HOXA9: variants seen among roughly 807,000 people sequenced by gnomAD.
HOXA9 encodes the protein homeobox protein Hox-A9.
Under a neutral mutation model 19.0 loss-of-function variants are expected in HOXA9, and 18 were observed. The observed-to-expected ratio is 0.95, with a 90% CI of 0.65 to 1.40. The LOEUF is 1.40. Ranked by LOEUF, HOXA9 falls within the 40% of genes most tolerant of loss-of-function variation. The pLI, the probability that HOXA9 is intolerant of heterozygous loss-of-function variation, is 0.00. For missense variants in HOXA9, 443 were observed against 372.2 expected (o/e 1.19, Z -1.57); for synonymous variants, 198 against 161.1 (o/e 1.23, Z -1.73).
In HOXA9 at chr7:27,163,523, G is replaced by T; in HGVS notation, c.*80C>A. On this transcript the variant is annotated 3_prime_UTR_variant, in exon 2 of 2. Transcript: ENST00000343483. ...GGAGGCTAGGGTGGGGGTGAGAGAAGGGAGAAGGCGGAAGGGGGACGGACA... is the reference window on the plus strand; with the variant it reads ...GGAGGCTAGGGTGGGGGTGAGAGAATGGAGAAGGCGGAAGGGGGACGGACA... 1 of 1,150,280 alleles carries T rather than the reference G, an allele frequency of 8.7e-7. No individual in the cohort carries two copies. The highest frequency in any genetic ancestry group is 1.3e-6 in the Non-Finnish European group (1 of 789,666). The allele number at this position is 1,150,280 out of a possible 1,614,324, so 71.3% of individuals were successfully genotyped here.
At position 27,163,718 on chromosome 7, in the gene HOXA9, C is replaced by T. The variant is rs777202871; in HGVS notation, c.704G>A (p.Arg235His). The change falls in exon 2 of 2, where the codon CGC becomes CAC. Residue 235 changes from arginine (R) to histidine (H), a missense_variant. By Grantham distance (29) the Arg-to-His change is conservative. Transcript: ENST00000343483. The stretch of plus-strand genomic sequence containing the variant: ...GAGCAGTCGAGCCACCTCGTACCTG[C>T]GGTCCCTGGTGAGGTACATGTTGAA... Reference protein sequence around the residue: ...FLFNMYLTRDRRYEVARLLNL... With the variant: ...FLFNMYLTRDHRYEVARLLNL... 2 of 1,613,918 alleles carry T rather than the reference C, an allele frequency of 1.2e-6. No individual in the cohort carries two copies. The highest frequency in any genetic ancestry group is 1.3e-5 in the African/African-American group (1 of 75,008).
Position 27,164,941 on chromosome 7 carries a change from C to T in HOXA9, c.517G>A (p.Gly173Ser). ...TCAGCATTGTTTTCAGAGAAGGCGCCTTCGCTGGGTTGTTTTTCTCTATCA... is the reference window on the plus strand; with the variant it reads ...TCAGCATTGTTTTCAGAGAAGGCGCTTTCGCTGGGTTGTTTTTCTCTATCA... ...PVDREKQPSE[G>S]AFSENNAENE... Residue 173 changes from glycine (G) to serine (S), a missense_variant, in exon 1 of 2, where the codon GGC (glycine) becomes AGC (serine). Transcript: ENST00000343483. 1 of 1,614,238 alleles carries T rather than the reference C, an allele frequency of 6.2e-7. No individual in the cohort carries two copies. Among genetic ancestry groups the T allele is most frequent in the Non-Finnish European group, 8.5e-7 (1 of 1,180,032 alleles).
At chr7:27,164,195 G>A (rs1479317221) in intron 1 of HOXA9, among the ~76,000 whole-genome samples, 1 of 152,222 alleles carries the variant, frequency 6.6e-6, no homozygotes, top group Non-Finnish European at 1.5e-5. Flanking sequence ...GTGTTCTGTA[G>A]CAAGATTAGG....
At chr7:27,164,452 G>A (rs1783273169) in intron 1 of HOXA9, among the ~76,000 whole-genome samples, 1 of 152,266 alleles carries the variant, frequency 6.6e-6, no homozygotes, top group Non-Finnish European at 1.5e-5. Context: ...GAAGTGGAAG[G>A]AATCGGCCGT....
Position 27,162,646 on chromosome 7 carries a change from T to A in HOXA9, c.*957A>T. ...TTTATTATCAATAAAATTAACTCCG[T>A]TACAATCAGCATTCATTTCCTCCAA... On this transcript the variant is annotated 3_prime_UTR_variant, in exon 2 of 2. Transcript: ENST00000343483. 1 of 209,570 alleles carries A rather than the reference T, an allele frequency of 4.8e-6. No individual in the cohort carries two copies. The allele number at this position is 209,570 out of a possible 1,614,324, so 13.0% of individuals were successfully genotyped here.
rs192531486 is a variant in HOXA9 at position 27,164,496 on chromosome 7, T to C, written c.580+382A>G. Among the ~76,000 whole-genome samples the C allele has an allele frequency of 1.3e-3, 191 of 152,386 alleles. 1 individual carries two copies. The East Asian group carries it at 0.014, about 11-fold the overall frequency. ...GCGTCCCAGCTCCGGCTGCCCTGGC[T>C]GCCGCCGCTCACGGACAATCTAGTT... On this transcript the variant is annotated intron_variant, in intron 1 of 1. Coordinates refer to ENST00000343483, the MANE Select transcript of HOXA9 (RefSeq NM_152739.4).
In HOXA9 at chr7:27,165,093, G is replaced by T. The variant is rs559119879; in HGVS notation, c.365C>A (p.Ala122Glu). The T allele has an allele frequency of 1.4e-4, 233 of 1,613,032 alleles. 1 individual carries two copies. In the South Asian group the frequency reaches 2.5e-3, roughly 17 times the overall value. Residue 122 changes from alanine to glutamate, a missense_variant, in exon 1 of 2, where the codon GCG (alanine) becomes GAG (glutamate). Physicochemically the swap from Ala to Glu is moderately radical, Grantham distance 107 (BLOSUM62 -1). Transcript: ENST00000343483. ...ATAAGGCCGGCTGGAGGGCAAGCCC[G>T]CGAAGGAGAGCGCACCGGGCGTGGG... The part of the protein sequence containing the change: ...LEPTPGALSF[A>E]GLPSSRPYGI...
rs376685820 is a variant in HOXA9 at position 27,165,203 on chromosome 7, G to A, written c.255C>T (p.His85=). The A allele has an allele frequency of 6.3e-7, 1 of 1,588,406 alleles. No homozygotes were observed. Among genetic ancestry groups the A allele is most frequent in the South Asian group, 1.1e-5 (1 of 88,206 alleles). ...GGTGCACGTAGGGGTGGTGGTGATG[G>A]TGGTGGTACACCGCAGCGGGTACAG... ...ANAVPAAVYH[H]HHHHPYVHPQ... Residue 85 remains histidine (H), a synonymous_variant, in exon 1 of 2, where the codon CAC becomes CAT. Coordinates refer to ENST00000343483, the MANE Select transcript of HOXA9 (RefSeq NM_152739.4).
In HOXA9 at chr7:27,164,673, C is replaced by A. The variant is rs371492511; in HGVS notation, c.580+205G>T. Reference sequence around the variant, plus strand: ...TCTCGCTGCAGCAGCCGCCTCCTCTCCCGTAGCCCTGCGGGCCGCTCTTCA... The same window carrying A: ...TCTCGCTGCAGCAGCCGCCTCCTCTACCGTAGCCCTGCGGGCCGCTCTTCA... On this transcript the variant is annotated intron_variant, in intron 1 of 1. Coordinates refer to ENST00000343483, the MANE Select transcript of HOXA9 (RefSeq NM_152739.4). Among the ~76,000 whole-genome samples, 90 of 152,354 alleles carry A rather than the reference C, an allele frequency of 5.9e-4. 3 individuals carry two copies. In the South Asian group the frequency reaches 0.018, roughly 31 times the overall value.
chr7:27,165,504 T>G lies in HOXA9; in HGVS notation c.-47A>C, dbSNP rs114730856. On this transcript the variant is annotated 5_prime_UTR_variant, in exon 1 of 2. Coordinates refer to ENST00000343483, the MANE Select transcript of HOXA9 (RefSeq NM_152739.4). The stretch of plus-strand genomic sequence containing the variant: ...CGCCCGGCCCGACCCACGGAAATTA[T>G]GAAACTGCAGATTTCATGTAACAAC... The G allele has an allele frequency of 2.1e-3, 3,118 of 1,508,464 alleles. 53 individuals are homozygous for G. In the African/African-American group the frequency reaches 0.04, roughly 19 times the overall value. 93.4% of individuals were successfully genotyped at this position (1,508,464 alleles called of 1,614,324 possible).
rs1447227437 is a variant in HOXA9, at chr7:27,162,784, T to C, written c.*819A>G. The C allele has an allele frequency of 6.8e-5, 14 of 205,294 alleles. No individual in the cohort carries two copies. The East Asian group carries it at 9.8e-4, about 14-fold the overall frequency. 12.7% of individuals were successfully genotyped at this position (205,294 alleles called of 1,614,324 possible). A position where few individuals can be genotyped will look rare whatever the true frequency, so the allele number is the denominator to read the frequency against. ...ATATTCAAGCTTGTCTGATTATGCA[T>C]ATTTTCTTTAATCATATAGATTATA... On this transcript the variant is annotated 3_prime_UTR_variant, in exon 2 of 2. Transcript: ENST00000343483.
intron 1 of HOXA9, among the ~76,000 whole-genome samples, chr7:27,164,494 G>C (rs1464246984): frequency 1.3e-5 from 2 of 152,264 alleles, no homozygotes; most frequent in African/African-American, 2.4e-5. Flanking sequence ...GGCTGCCCTG[G>C]CTGCCGCCGC....
chr7:27,163,510 G>C lies in HOXA9; in HGVS notation c.*93C>G, dbSNP rs542147750. 7.1e-6 allele frequency: 7 copies of C among 988,620 alleles called. No homozygotes were observed. In the African/African-American group the frequency reaches 1.1e-4, roughly 16 times the overall value. The allele number at this position is 988,620 out of a possible 1,614,324, so 61.2% of individuals were successfully genotyped here. On this transcript the variant is annotated 3_prime_UTR_variant, in exon 2 of 2. Coordinates refer to ENST00000343483, the MANE Select transcript of HOXA9 (RefSeq NM_152739.4). ...GTGCGGGGATGGTGGAGGCTAGGGT[G>C]GGGGTGAGAGAAGGGAGAAGGCGGA...
At chr7:27,164,717 G>A (rs1291908554) in intron 1 of HOXA9, among the ~76,000 whole-genome samples, 161 bp downstream of exon 1, 1 of 152,222 alleles carries the variant, frequency 6.6e-6, no homozygotes, top group African/African-American at 2.4e-5. Context: ...CAGACTTGGG[G>A]CCCTATCTGA....
Position 27,165,206 on chromosome 7 carries a change from G to A in HOXA9, c.252C>T (p.His84=). ...GANAVPAAVY[H]HHHHHPYVHP... ...GCACGTAGGGGTGGTGGTGATGGTG[G>A]TGGTACACCGCAGCGGGTACAGCGT... Residue 84 remains histidine, a synonymous_variant, in exon 1 of 2, where the codon CAC becomes CAT. Transcript: ENST00000343483. 2 of 1,587,002 alleles carry A rather than the reference G, an allele frequency of 1.3e-6. No individual in the cohort carries two copies. Among genetic ancestry groups the A allele is most frequent in the Non-Finnish European group, 1.7e-6 (2 of 1,167,896 alleles).
Position 27,165,374 on chromosome 7 carries a change from G to A in HOXA9, c.84C>T (p.Gly28=), listed in dbSNP as rs11975265. Residue 28 remains glycine (G), a synonymous_variant, in exon 1 of 2, where the codon GGC becomes GGT. Coordinates refer to ENST00000343483, the MANE Select transcript of HOXA9 (RefSeq NM_152739.4). ...GADAADELSV[G]RYAPGTLGQP... ...GGCCCAGGGTCCCCGGCGCATAGCG[G>A]CCAACGCTCAGCTCATCCGCGGCGT... 6.2e-7 allele frequency: 1 copy of A among 1,604,366 alleles called. No homozygotes were observed. The highest frequency in any genetic ancestry group is 2.3e-5 in the East Asian group (1 of 44,332).
rs918929213 is a variant in HOXA9, at chr7:27,163,269, CTTTTG to C, written c.*329_*333del. ...GCATTATAAAAAGGTAGTTTCTTTC[CTTTTG>C]TTTTAAGTCAGGAACAGGTAGATTT... is the stretch of plus-strand genomic sequence containing the variant. On this transcript the variant is annotated 3_prime_UTR_variant, in exon 2 of 2. Transcript: ENST00000343483. 1.4e-5 allele frequency: 4 copies of C among 276,154 alleles called. No homozygotes were observed. The highest frequency in any genetic ancestry group is 2.0e-5 in the Non-Finnish European group (3 of 146,450). 17.1% of individuals were successfully genotyped at this position (276,154 alleles called of 1,614,324 possible).
At position 27,165,279 on chromosome 7, in the gene HOXA9, G is replaced by T. The variant is rs1368515914; in HGVS notation, c.179C>A (p.Ala60Glu). The change falls in exon 1 of 2, where the codon GCG becomes GAG. Residue 60 changes from alanine to glutamate, a missense_variant. By Grantham distance (107) the Ala-to-Glu change is moderately radical. Coordinates refer to ENST00000343483, the MANE Select transcript of HOXA9 (RefSeq NM_152739.4). ...GTTCCACGAGGCGCCAAACACCGTC[G>T]CCTTGGACTGGAAGCTGCACGGGCT... is the stretch of plus-strand genomic sequence containing the variant. ...DFSPCSFQSK[A>E]TVFGASWNPV... 5 of 1,563,670 alleles carry T rather than the reference G, an allele frequency of 3.2e-6. No individual in the cohort carries two copies. The highest frequency in any genetic ancestry group is 2.7e-5 in the African/African-American group (2 of 73,894).
In HOXA9 at chr7:27,163,156, G is replaced by A. The variant is rs1463437843; in HGVS notation, c.*447C>T. ...TACCACAATAAAACACAGTGTTCAA[G>A]TATCTTGGCAGAGCAATCTGCCGCA... On this transcript the variant is annotated 3_prime_UTR_variant, in exon 2 of 2. Coordinates refer to ENST00000343483, the MANE Select transcript of HOXA9 (RefSeq NM_152739.4). 1 of 227,802 alleles carries A rather than the reference G, an allele frequency of 4.4e-6. No individual in the cohort carries two copies. The highest frequency in any genetic ancestry group is 2.2e-5 in the African/African-American group (1 of 44,798). 14.1% of individuals were successfully genotyped at this position (227,802 alleles called of 1,614,324 possible).
Sources: gnomAD v4.1 joint callset for allele counts (sites outside exome capture counted in the v4.1 genomes callset) on GRCh38, gnomAD v4.1.1 for gene constraint, MANE v1.5 for transcripts, NCBI Gene and HGNC (gene_info 2026-07-23, HGNC 2026-07-21) for gene names.